The following SH3KBP1 variants were observed in gnomAD, a reference collection of about 807,000 sequenced individuals.
The protein encoded by SH3KBP1 is SH3 domain containing kinase binding protein 1.
SH3KBP1 carries 8 observed loss-of-function variants against 50.1 expected under a neutral mutation model. The observed-to-expected ratio is 0.16, with a 90% CI of 0.09 to 0.29. The LOEUF (loss-of-function observed/expected upper bound fraction) is 0.29. Ranked by LOEUF, SH3KBP1 falls within the 10% of genes least tolerant of loss-of-function variation. The pLI, the probability that SH3KBP1 is intolerant of heterozygous loss-of-function variation, is 1.00. For missense variants in SH3KBP1, 377 were observed against 535.2 expected, an observed-to-expected ratio of 0.70 and a Z score of 2.92; for synonymous variants, 227 against 218.6, an observed-to-expected ratio of 1.04 and a Z score of -0.34.
intron 9 of SH3KBP1, among the ~76,000 whole-genome samples, chrX:19,605,681 T>C (rs1010862746): frequency 8.9e-6 from 1 of 111,937 alleles, no homozygotes; most frequent in African/African-American, 3.3e-5. Flanking sequence ...CCTAACTGCC[T>C]AACTCTAAGC....
At chrX:19,748,362 C>T (rs1032778460) in intron 2 of SH3KBP1, among the ~76,000 whole-genome samples, 1 of 111,273 alleles carries the variant, frequency 9.0e-6, no homozygotes, top group African/African-American at 3.3e-5. Context: ...CTGGGGTGGT[C>T]CCTGGAGAAA....
intron 2 of SH3KBP1, among the ~76,000 whole-genome samples, chrX:19,750,551 A>G (rs939290806): frequency 8.9e-6 from 1 of 112,274 alleles, no homozygotes; most frequent in African/African-American, 3.2e-5. Flanking sequence ...TGAACAGCAA[A>G]CCACAAGTCT....
chrX:19,758,656 A>G (rs1019898642), intron 2 of SH3KBP1, among the ~76,000 whole-genome samples: 11 of 111,634 alleles, frequency 9.9e-5, no homozygotes, highest in Non-Finnish European at 1.9e-4. Flanking sequence ...AGTACCCCCA[A>G]CACAGGAACT....
At chrX:19,601,647 G>T (rs1440875303) in intron 9 of SH3KBP1, 3 of 111,446 alleles carry the variant, frequency 2.7e-5, no homozygotes, top group African/African-American at 9.8e-5. Flanking sequence ...GTCTGTGGGT[G>T]AGGCTGGAGA....
At chrX:19,574,615 T>A (rs2066141369) in intron 12 of SH3KBP1, among the ~76,000 whole-genome samples, 1 of 112,296 alleles carries the variant, frequency 8.9e-6, no homozygotes, top group Non-Finnish European at 1.9e-5. Context: ...TTAATCCCAT[T>A]CATGAGGGCT....
At chrX:19,710,454 C>T (rs2148685332) in intron 3 of SH3KBP1, among the ~76,000 whole-genome samples, 1 of 112,024 alleles carries the variant, frequency 8.9e-6, no homozygotes, top group African/African-American at 3.3e-5. Flanking sequence ...ATTCACCTCG[C>T]TGCATTACAT....
intron 8 of SH3KBP1, among the ~76,000 whole-genome samples, chrX:19,618,053 A>C (rs2067671085): frequency 9.0e-6 from 1 of 111,525 alleles, no homozygotes. Flanking sequence ...AGAAGCCCTA[A>C]AGGCCTCTGT....
intron 2 of SH3KBP1, among the ~76,000 whole-genome samples, chrX:19,750,041 T>C (rs1342326784): frequency 9.0e-6 from 1 of 111,215 alleles, no homozygotes; most frequent in Non-Finnish European, 1.9e-5. Flanking sequence ...TCAACCTGTC[T>C]AGCTTCAGAG....
At chrX:19,877,631 C>T (rs1478937364) in intron 1 of SH3KBP1, among the ~76,000 whole-genome samples, 1 of 111,903 alleles carries the variant, frequency 8.9e-6, no homozygotes, top group Non-Finnish European at 1.9e-5. Context: ...CTAGAACAGT[C>T]CAGAAAAATC....
intron 1 of SH3KBP1, among the ~76,000 whole-genome samples, chrX:19,852,636 G>GAAAAAAAAAAAA (rs760707711): frequency 1.3e-4 from 7 of 51,937 alleles, no homozygotes; most frequent in African/African-American, 4.7e-4. Context: ...TAGCTGCACA[G>GAAAAAAAAAAAA]AAAAAAAAAA....
At chrX:19,837,709 G>A (rs1230074558) in intron 1 of SH3KBP1, among the ~76,000 whole-genome samples, 2 of 110,197 alleles carry the variant, frequency 1.8e-5, no homozygotes, top group Non-Finnish European at 3.8e-5. Context: ...CCAAAGTGCT[G>A]GAATTACAGG....
At chrX:19,704,372 G>C (rs1409744477) in intron 4 of SH3KBP1, among the ~76,000 whole-genome samples, 1 of 112,098 alleles carries the variant, frequency 8.9e-6, no homozygotes, top group Non-Finnish European at 1.9e-5. Context: ...GGCAAAAGTG[G>C]GCAATATTTC....
At chrX:19,772,593 A>T (rs2065822357) in intron 2 of SH3KBP1, among the ~76,000 whole-genome samples, 2 of 111,404 alleles carry the variant, frequency 1.8e-5, no homozygotes, top group Non-Finnish European at 3.8e-5. Context: ...GAACATGAAA[A>T]TTAACTGGAG....
chrX:19,822,019 A>T (rs963802759), intron 2 of SH3KBP1, among the ~76,000 whole-genome samples: 4 of 112,381 alleles, frequency 3.6e-5, no homozygotes, highest in Middle Eastern at 4.6e-3. Context: ...TCTGGACTCC[A>T]TTATTTTACA....
chrX:19,737,771 C>T (rs1442382843), intron 3 of SH3KBP1, among the ~76,000 whole-genome samples: 1 of 112,107 alleles, frequency 8.9e-6, no homozygotes, highest in Non-Finnish European at 1.9e-5. Context: ...AGGACTTCCA[C>T]TCATGTGTCT....
chrX:19,640,232 C>T (rs775511585), intron 7 of SH3KBP1, among the ~76,000 whole-genome samples: 12 of 111,590 alleles, frequency 1.1e-4, no homozygotes, highest in South Asian at 3.7e-4. Flanking sequence ...GGCCTGAAGG[C>T]GCTAAGCCAC....
At chrX:19,544,181 T>C (rs1414357021) in intron 15 of SH3KBP1, among the ~76,000 whole-genome samples, 1 of 110,832 alleles carries the variant, frequency 9.0e-6, no homozygotes. Flanking sequence ...CTCGCCTTTT[T>C]TCTGCCAAGT....
At chrX:19,809,254 G>A (rs1463526599) in intron 2 of SH3KBP1, among the ~76,000 whole-genome samples, 2 of 111,797 alleles carry the variant, frequency 1.8e-5, no homozygotes, top group Non-Finnish European at 1.9e-5. Flanking sequence ...AGCCAGGCAC[G>A]GTAGCTCACG....
intron 8 of SH3KBP1, among the ~76,000 whole-genome samples, chrX:19,624,710 T>C (rs772670284): frequency 8.9e-5 from 10 of 112,279 alleles, no homozygotes; most frequent in Non-Finnish European, 1.9e-4. Flanking sequence ...CAAATTATAC[T>C]CCTTTGGGTT....
Sources: gnomAD v4.1 joint callset for allele counts (sites outside exome capture counted in the v4.1 genomes callset) on GRCh38, gnomAD v4.1.1 for gene constraint, MANE v1.5 for transcripts, NCBI Gene and HGNC (gene_info 2026-07-23, HGNC 2026-07-21) for gene names.